The following TRPM1 variants were observed in gnomAD, a reference collection of about 807,000 sequenced individuals.
TRPM1 encodes the protein transient receptor potential cation channel subfamily M member 1.
A neutral mutation model predicts 149.4 loss-of-function variants in TRPM1; 113 were observed. That is an observed-to-expected ratio of 0.76 (90% CI 0.65 to 0.88). The LOEUF is 0.88. TRPM1 is among the 40% of genes least tolerant of loss of function. The pLI is 0.00. For synonymous variants in TRPM1, 741 were observed against 759.5 expected (o/e 0.98, Z 0.40); for missense variants, 1,976 against 2,038.7 (o/e 0.97, Z 0.59).
rs765665882 is a variant in TRPM1 at position 31,090,267 on chromosome 15, G to T, written c.-83-8829C>A. On this transcript the variant is annotated intron_variant, in intron 1 of 27. Coordinates refer to ENST00000256552, the MANE Select transcript of TRPM1 (RefSeq NM_001252024.2). ...CAGCTTCCTCACCCTTCAACCAGCT[G>T]CATGGTGTTCTCCGGTGTGGCTGTC... Among the ~76,000 whole-genome samples the T allele has an allele frequency of 5.1e-4, 78 of 152,194 alleles. 1 individual carries two copies. The highest frequency in any genetic ancestry group is 1.7e-3 in the South Asian group (8 of 4,814).
chr15:31,152,334 C>G (rs2036313591), intron 1 of TRPM1, among the ~76,000 whole-genome samples: 1 of 152,224 alleles, frequency 6.6e-6, no homozygotes, highest in Non-Finnish European at 1.5e-5. Flanking sequence ...TTCAGGAGTT[C>G]TCCCAGGACT....
At chr15:31,151,633 T>C (rs1229761253) in intron 1 of TRPM1, among the ~76,000 whole-genome samples, 1 of 152,360 alleles carries the variant, frequency 6.6e-6, no homozygotes, top group East Asian at 1.9e-4. Context: ...CCAGTGGTGC[T>C]TCTTGGCCCT....
chr15:31,117,650 A>G (rs2035817768), intron 1 of TRPM1, among the ~76,000 whole-genome samples: 2 of 58,878 alleles, frequency 3.4e-5, no homozygotes, highest in African/African-American at 1.5e-4. Flanking sequence ...TCTGTCTCAA[A>G]GAAAAAAAAA....
chr15:31,134,688 C>T (rs1316464527), intron 1 of TRPM1, among the ~76,000 whole-genome samples: 1 of 152,188 alleles, frequency 6.6e-6, no homozygotes, highest in African/African-American at 2.4e-5. Flanking sequence ...AGTCTAAGAC[C>T]ACTCTTTGAG....
At chr15:31,132,394 A>G (rs1298889429) in intron 1 of TRPM1, among the ~76,000 whole-genome samples, 1 of 152,126 alleles carries the variant, frequency 6.6e-6, no homozygotes, top group African/African-American at 2.4e-5. Flanking sequence ...GACATAATCT[A>G]TTTCTTTCAG....
intron 1 of TRPM1, among the ~76,000 whole-genome samples, chr15:31,130,998 C>A (rs2036009410): frequency 6.6e-6 from 1 of 152,200 alleles, no homozygotes; most frequent in Admixed American, 6.5e-5. Flanking sequence ...GCAACGGTTA[C>A]AAACAGGCAC....
At chr15:31,059,588 G>C (rs2034170806) in intron 11 of TRPM1, among the ~76,000 whole-genome samples, 1 of 151,734 alleles carries the variant, frequency 6.6e-6, no homozygotes, top group Admixed American at 6.6e-5. Context: ...TTTATTTTTT[G>C]TAGAGATGGT....
chr15:31,015,077 GA>G (rs1413513708), intron 27 of TRPM1, among the ~76,000 whole-genome samples: 7 of 152,140 alleles, frequency 4.6e-5, no homozygotes, highest in Non-Finnish European at 7.4e-5. Context: ...AAGCAGATGA[GA>G]TGAGGTCAAA....
At chr15:31,148,707 T>C (rs2036254498) in intron 1 of TRPM1, among the ~76,000 whole-genome samples, 1 of 152,214 alleles carries the variant, frequency 6.6e-6, no homozygotes, top group Non-Finnish European at 1.5e-5. Flanking sequence ...GCCTTGGTGC[T>C]GTAAGGGATG....
intron 6 of TRPM1, 29 bp from the exon 7 acceptor site, chr15:31,066,276 CTGCAGGACT>C: frequency 1.2e-6 from 2 of 1,613,972 alleles, no homozygotes; most frequent in Non-Finnish European, 1.7e-6. Flanking sequence ...CAAATCAGAC[CTGCAGGACT>C]TGGATGTTAA....
At chr15:31,050,931 A>G (rs956844828) in intron 11 of TRPM1, among the ~76,000 whole-genome samples, 5 of 152,204 alleles carry the variant, frequency 3.3e-5, no homozygotes, top group African/African-American at 1.2e-4. Context: ...GTGCTTTTGC[A>G]TGGAGGAAAG....
chr15:31,101,091 G>A (rs1364566767), intron 1 of TRPM1, among the ~76,000 whole-genome samples: 5 of 152,218 alleles, frequency 3.3e-5, no homozygotes, highest in Admixed American at 3.3e-4. Context: ...AATATCAGCT[G>A]ATAAAGGCTT....
chr15:31,072,059 GT>G (rs1290661684), intron 3 of TRPM1, among the ~76,000 whole-genome samples: 1 of 127,858 alleles, frequency 7.8e-6, no homozygotes, highest in African/African-American at 3.1e-5. Flanking sequence ...AGATTAAATG[GT>G]TTTTAGTATT....
chr15:31,089,990 A>G (rs1179647801), intron 1 of TRPM1, among the ~76,000 whole-genome samples: 1 of 152,196 alleles, frequency 6.6e-6, no homozygotes, highest in African/African-American at 2.4e-5. Flanking sequence ...TTAAAATTTA[A>G]AACAAATGAA....
intron 27 of TRPM1, among the ~76,000 whole-genome samples, chr15:31,016,519 T>A (rs1382082840): frequency 2.6e-5 from 4 of 152,132 alleles, no homozygotes; most frequent in Non-Finnish European, 4.4e-5. Flanking sequence ...AGCACTGACT[T>A]CACAGAAAAA....
chr15:31,075,923 G>A (rs912336227), intron 3 of TRPM1, among the ~76,000 whole-genome samples: 3 of 151,346 alleles, frequency 2.0e-5, no homozygotes, highest in Admixed American at 6.6e-5. Context: ...TGCATGGAGT[G>A]CATCAAGGAG....
At chr15:31,053,313 C>T (rs1220008198) in intron 11 of TRPM1, among the ~76,000 whole-genome samples, 4 of 152,108 alleles carry the variant, frequency 2.6e-5, no homozygotes, top group African/African-American at 2.4e-5. Context: ...TGCAGTGGCA[C>T]GATGTTGGCT....
At chr15:31,069,247 G>A (rs921666225) in intron 4 of TRPM1, 9 of 217,522 alleles carry the variant, frequency 4.1e-5, no homozygotes, top group African/African-American at 1.6e-4. Flanking sequence ...TGGGTCAGGC[G>A]ATCATGGGCC....
At position 31,067,087 on chromosome 15, in the gene TRPM1, A is replaced by C; in HGVS notation, c.594T>G (p.Asn198Lys). The C allele has an allele frequency of 6.2e-7, 1 of 1,614,162 alleles. No homozygotes were observed. Among genetic ancestry groups the C allele is most frequent in the East Asian group, 2.2e-5 (1 of 44,888 alleles). ...CATCCTTTCCAACCAGGTCTTCCTTATTCTCCACGATGCCCCATGGAGCAA... is the reference window on the plus strand; with the variant it reads ...CATCCTTTCCAACCAGGTCTTCCTTCTTCTCCACGATGCCCCATGGAGCAA... Reference protein sequence around the residue: ...IGIAPWGIVENKEDLVGKDVT... With the variant: ...IGIAPWGIVEKKEDLVGKDVT... The change falls in exon 6 of 28, where the codon AAT becomes AAG. Residue 198 changes from asparagine to lysine, a missense_variant. By Grantham distance (94) the Asn-to-Lys change is moderately conservative. Around this residue, in one of 3 missense-constraint regions of TRPM1, gnomAD observed 1,332 missense variants for 1,347.1 expected, o/e 0.99. Coordinates refer to ENST00000256552, the MANE Select transcript of TRPM1 (RefSeq NM_001252024.2).
Sources: allele counts gnomAD v4.1 joint callset (sites outside exome capture counted in the v4.1 genomes callset), GRCh38; gene constraint gnomAD v4.1.1; regional missense constraint gnomAD v4.1.1; transcripts MANE v1.5; gene names NCBI Gene and HGNC (gene_info 2026-07-23, HGNC 2026-07-21).